Variants in MAPRE2 observed in about 807,000 individuals in gnomAD.
MAPRE2 encodes the protein microtubule associated protein RP/EB family member 2, also known as microtubule-associated protein RP/EB family member 2.
MAPRE2 carries 13 observed loss-of-function variants against 43.2 expected under a neutral mutation model. The observed-to-expected ratio is 0.30, with a 90% CI of 0.20 to 0.48. MAPRE2 has a LOEUF of 0.48. MAPRE2 is among the 20% of genes least tolerant of loss of function. The pLI is 0.99. For synonymous variants in MAPRE2, 135 were observed against 148.8 expected (o/e 0.91, Z 0.68); for missense variants, 161 against 400.2 (o/e 0.40, Z 5.10).
chr18:35,120,965 G>A (rs1909641168), intron 4 of MAPRE2, among the ~76,000 whole-genome samples: 1 of 152,186 alleles, frequency 6.6e-6, no homozygotes, highest in Non-Finnish European at 1.5e-5. Flanking sequence ...ATGACCAGAA[G>A]AGTGGTGGCC....
chr18:35,086,066 A>T (rs1907862432), intron 2 of MAPRE2, among the ~76,000 whole-genome samples: 1 of 152,184 alleles, frequency 6.6e-6, no homozygotes, highest in Non-Finnish European at 1.5e-5. Context: ...GATTATGGAA[A>T]GTGAAAAGTT....
chr18:35,085,107 A>G (rs1336599145), intron 2 of MAPRE2, among the ~76,000 whole-genome samples: 1 of 152,238 alleles, frequency 6.6e-6, no homozygotes. Context: ...TTCCTTTAAA[A>G]TGTTAATATT....
At chr18:35,116,807 C>G (rs769512179) in intron 4 of MAPRE2, among the ~76,000 whole-genome samples, 1 of 152,120 alleles carries the variant, frequency 6.6e-6, no homozygotes, top group African/African-American at 2.4e-5. Context: ...AGTCAGGTCA[C>G]GGGTCTTACA....
chr18:35,065,413 A>G (rs2150618951), intron 1 of MAPRE2, among the ~76,000 whole-genome samples: 1 of 152,312 alleles, frequency 6.6e-6, no homozygotes, highest in African/African-American at 2.4e-5. Flanking sequence ...AGGGGCAATA[A>G]ATGCAAATTT....
intron 2 of MAPRE2, among the ~76,000 whole-genome samples, chr18:35,009,300 C>G (rs12957418): frequency 0.15 from 22,195 of 152,030 alleles, 2,050 homozygotes; most frequent in East Asian, 0.29. Flanking sequence ...ATGTATTGAT[C>G]ACCAACTCTG....
chr18:35,053,099 A>G (rs750030330), intron 1 of MAPRE2, among the ~76,000 whole-genome samples: 5 of 150,366 alleles, frequency 3.3e-5, no homozygotes, highest in Non-Finnish European at 5.9e-5. Flanking sequence ...TACATATTAA[A>G]TGAGTCTATT....
intron 2 of MAPRE2, among the ~76,000 whole-genome samples, chr18:35,088,751 A>G (rs549313353): frequency 7.9e-5 from 12 of 152,338 alleles, no homozygotes; most frequent in Non-Finnish European, 1.3e-4. Flanking sequence ...GAAAATATAG[A>G]ATTTCAAGAG....
intron 2 of MAPRE2, among the ~76,000 whole-genome samples, chr18:35,007,223 G>C (rs1684927870): frequency 6.6e-6 from 1 of 152,172 alleles, no homozygotes; most frequent in Admixed American, 6.5e-5. Flanking sequence ...GGGTCTGTAT[G>C]AGGCAATCCT....
At chr18:34,991,771 C>G (rs1424883868) in intron 1 of MAPRE2, among the ~76,000 whole-genome samples, 2 of 152,124 alleles carry the variant, frequency 1.3e-5, no homozygotes, top group Non-Finnish European at 1.5e-5. Context: ...TCATCTGGCA[C>G]CTTTAGAGTA....
intron 5 of MAPRE2, chr18:35,127,383 GC>G: frequency 6.7e-6 from 2 of 299,916 alleles, no homozygotes; most frequent in South Asian, 9.8e-5. Flanking sequence ...AGAGCTCCAG[GC>G]TAGACCGTTG....
At chr18:35,118,510 A>AT (rs1453104443) in intron 4 of MAPRE2, among the ~76,000 whole-genome samples, 1 of 152,182 alleles carries the variant, frequency 6.6e-6, no homozygotes, top group Non-Finnish European at 1.5e-5. Flanking sequence ...AAACTATAGC[A>AT]TTGCAAGTAC....
At chr18:35,115,716 G>A (rs559631050) in intron 4 of MAPRE2, among the ~76,000 whole-genome samples, 1 of 152,154 alleles carries the variant, frequency 6.6e-6, no homozygotes, top group African/African-American at 2.4e-5. Flanking sequence ...CCTTTTTATG[G>A]CTGAGTAGTA....
chr18:35,111,666 C>G (rs1263820956), intron 4 of MAPRE2, among the ~76,000 whole-genome samples: 2 of 152,194 alleles, frequency 1.3e-5, no homozygotes, highest in Non-Finnish European at 1.5e-5. Context: ...TAACCTTAGC[C>G]TCAGGCCTGT....
chr18:35,010,485 T>C (rs1331069824), intron 2 of MAPRE2, among the ~76,000 whole-genome samples: 2 of 152,216 alleles, frequency 1.3e-5, no homozygotes, highest in African/African-American at 4.8e-5. Context: ...GTAACATAAT[T>C]GTTGGGTGCA....
intron 6 of MAPRE2, among the ~76,000 whole-genome samples, chr18:35,135,595 A>C (rs953143161): frequency 6.6e-6 from 1 of 152,202 alleles, no homozygotes; most frequent in African/African-American, 2.4e-5. Flanking sequence ...CTGGAAAAGC[A>C]ACGGTTTTGA....
chr18:35,093,197 G>A (rs1337408549), intron 2 of MAPRE2, among the ~76,000 whole-genome samples: 2 of 106,572 alleles, frequency 1.9e-5, no homozygotes, highest in Non-Finnish European at 3.4e-5. Flanking sequence ...AGGAGACAGA[G>A]CAAGACCCTG....
At chr18:35,107,020 T>C (rs1908940650) in intron 4 of MAPRE2, among the ~76,000 whole-genome samples, 1 of 152,346 alleles carries the variant, frequency 6.6e-6, no homozygotes, top group East Asian at 1.9e-4. Flanking sequence ...TTCAAAGTTA[T>C]GTAGTTACTA....
intron 1 of MAPRE2, among the ~76,000 whole-genome samples, chr18:35,063,925 G>T (rs1906686042): frequency 6.9e-6 from 1 of 144,880 alleles, no homozygotes; most frequent in South Asian, 2.2e-4. Context: ...TTTAGCCCAG[G>T]AGATTGAGCC....
chr18:35,122,409 T>G (rs935361206), intron 4 of MAPRE2, among the ~76,000 whole-genome samples: 1 of 152,224 alleles, frequency 6.6e-6, no homozygotes, highest in African/African-American at 2.4e-5. Context: ...TCTTCACATT[T>G]ATTCATTTGA....
Sources: gnomAD v4.1 joint callset for allele counts (sites outside exome capture counted in the v4.1 genomes callset) on GRCh38, gnomAD v4.1.1 for gene constraint, MANE v1.5 for transcripts, NCBI Gene and HGNC (gene_info 2026-07-23, HGNC 2026-07-21) for gene names.